Variants in PDE4D observed in about 807,000 individuals in gnomAD.
The protein encoded by PDE4D is phosphodiesterase 4D, also known as 3',5'-cyclic-AMP phosphodiesterase 4D.
In PDE4D, 24 loss-of-function variants were observed where a neutral mutation model predicts 87.4. The ratio of observed to expected loss-of-function variants is 0.27; its 90% CI spans 0.20 to 0.39. PDE4D has a LOEUF of 0.39. PDE4D is among the 10% of genes least tolerant of loss of function. The pLI, the probability that PDE4D is intolerant of heterozygous loss-of-function variation, is 1.00. For missense variants in PDE4D, 714 were observed against 1,041.0 expected, an observed-to-expected ratio of 0.69 and a Z score of 4.32; for synonymous variants, 384 against 383.2, an observed-to-expected ratio of 1.00 and a Z score of -0.02.
At chr5:60,319,254 C>T (rs1020475570) in intron 1 of PDE4D, among the ~76,000 whole-genome samples, 18 of 152,190 alleles carry the variant, frequency 1.2e-4, no homozygotes, top group African/African-American at 4.3e-4. Flanking sequence ...ATCACTGATA[C>T]CCTTTCTTCC....
intron 1 of PDE4D, among the ~76,000 whole-genome samples, chr5:59,311,914 G>A (rs907799802): frequency 1.3e-5 from 2 of 152,156 alleles, no homozygotes; most frequent in South Asian, 2.1e-4. Context: ...GCCCTGCATC[G>A]GCCCTGGAGA....
At chr5:59,953,093 C>T (rs1040403043) in intron 3 of PDE4D, among the ~76,000 whole-genome samples, 3 of 151,128 alleles carry the variant, frequency 2.0e-5, no homozygotes, top group Admixed American at 6.6e-5. Flanking sequence ...ATTAATGTTT[C>T]ATCATCTTTT....
chr5:59,344,574 T>A (rs1779325839), intron 1 of PDE4D, among the ~76,000 whole-genome samples: 1 of 152,032 alleles, frequency 6.6e-6, no homozygotes. Context: ...AATTTTTAAA[T>A]TTTTTGTAGA....
At chr5:60,296,492 A>G (rs1753402332) in intron 1 of PDE4D, among the ~76,000 whole-genome samples, 1 of 152,214 alleles carries the variant, frequency 6.6e-6, no homozygotes, top group African/African-American at 2.4e-5. Context: ...TTTTACACAC[A>G]TACGTATCCA....
Position 59,624,539 on chromosome 5 carries a change from C to T in PDE4D, c.455+268629G>A, listed in dbSNP as rs143606954. Among the ~76,000 whole-genome samples, 262 of 152,284 alleles carry T rather than the reference C, an allele frequency of 1.7e-3. 2 individuals are homozygous for T. The highest frequency in any genetic ancestry group is 5.9e-3 in the African/African-American group (247 of 41,568). On this transcript the variant is annotated intron_variant, in intron 1 of 14. Transcript: ENST00000340635. ...GGCCACAGAGACGCTGTGGCACAAA[C>T]GTGGTAGTACTCGGCTTTAATCTGC... is the stretch of plus-strand genomic sequence containing the variant.
At chr5:60,071,637 T>A (rs1438562850) in intron 2 of PDE4D, among the ~76,000 whole-genome samples, 1 of 152,098 alleles carries the variant, frequency 6.6e-6, no homozygotes, top group African/African-American at 2.4e-5. Flanking sequence ...GCAAGTTTGT[T>A]ATATAAGTAA....
intron 1 of PDE4D, among the ~76,000 whole-genome samples, chr5:59,518,771 T>C (rs1420389982): frequency 6.6e-6 from 1 of 152,190 alleles, no homozygotes; most frequent in East Asian, 1.9e-4. Context: ...CTATATACTA[T>C]TATTAATTTT....
At chr5:59,311,021 C>G (rs559024110) in intron 1 of PDE4D, among the ~76,000 whole-genome samples, 1 of 152,236 alleles carries the variant, frequency 6.6e-6, no homozygotes, top group South Asian at 2.1e-4. Flanking sequence ...AAACAAAGGT[C>G]ACTGTAAGAT....
At chr5:60,041,469 T>C (rs1192268775) in intron 2 of PDE4D, among the ~76,000 whole-genome samples, 3 of 152,174 alleles carry the variant, frequency 2.0e-5, no homozygotes, top group Non-Finnish European at 4.4e-5. Flanking sequence ...ACAGTTCTAA[T>C]GGTAACATTT....
At chr5:60,119,682 C>A (rs1476345323) in intron 2 of PDE4D, among the ~76,000 whole-genome samples, 1 of 152,156 alleles carries the variant, frequency 6.6e-6, no homozygotes, top group Admixed American at 6.5e-5. Flanking sequence ...AGATATGAAA[C>A]ATATAGGACA....
intron 2 of PDE4D, among the ~76,000 whole-genome samples, chr5:60,136,339 T>C (rs1016673062): frequency 1.3e-5 from 2 of 151,714 alleles, no homozygotes; most frequent in African/African-American, 2.4e-5. Flanking sequence ...ATTTTTGAGA[T>C]GAAGTCTTGC....
chr5:59,044,215 CTGT>C (rs1346098754), intron 5 of PDE4D, among the ~76,000 whole-genome samples: 11 of 152,172 alleles, frequency 7.2e-5, no homozygotes, highest in Non-Finnish European at 1.6e-4. Flanking sequence ...TCTCCAGCAC[CTGT>C]TGTTTCCTGA....
At chr5:60,386,977 A>G (rs960906042) in intron 1 of PDE4D, among the ~76,000 whole-genome samples, 1 of 152,134 alleles carries the variant, frequency 6.6e-6, no homozygotes, top group Non-Finnish European at 1.5e-5. Flanking sequence ...TGCTGCTTTT[A>G]CTCTCCTGCC....
At chr5:60,020,459 A>C (rs566099815) in intron 2 of PDE4D, among the ~76,000 whole-genome samples, 1 of 152,338 alleles carries the variant, frequency 6.6e-6, no homozygotes, top group African/African-American at 2.4e-5. Context: ...GCAAAACACA[A>C]TAAAATGAGG....
At chr5:59,361,576 G>A (rs1467256399) in intron 1 of PDE4D, among the ~76,000 whole-genome samples, 5 of 152,126 alleles carry the variant, frequency 3.3e-5, no homozygotes, top group African/African-American at 1.2e-4. Context: ...ACTTCCTCCG[G>A]AAGTCTTCCC....
intron 3 of PDE4D, among the ~76,000 whole-genome samples, chr5:59,904,306 C>T (rs1752593184): frequency 6.6e-6 from 1 of 152,086 alleles, no homozygotes; most frequent in Non-Finnish European, 1.5e-5. Context: ...TATGGAAACA[C>T]ATTGAAAGGA....
At position 60,060,756 on chromosome 5, in the gene PDE4D, T is replaced by C. The variant is rs1005876466; in HGVS notation, c.43-72039A>G. Among the ~76,000 whole-genome samples, 9 of 152,226 alleles carry C rather than the reference T, an allele frequency of 5.9e-5. No homozygotes were observed. In the South Asian group the frequency reaches 1.9e-3, roughly 32 times the overall value. ...TGGATATGTCAGCCTCTTCAGCCTCTCAGCTTCCTTGAACTTTGGGGGTAG... is the reference window on the plus strand; with the variant it reads ...TGGATATGTCAGCCTCTTCAGCCTCCCAGCTTCCTTGAACTTTGGGGGTAG... On this transcript the variant is annotated intron_variant, in intron 2 of 16. Coordinates refer to the PDE4D transcript ENST00000502484.
chr5:59,517,932 G>T (rs2153671645), intron 1 of PDE4D, among the ~76,000 whole-genome samples: 1 of 152,188 alleles, frequency 6.6e-6, no homozygotes, highest in Admixed American at 6.5e-5. Flanking sequence ...TAAAACAGAA[G>T]AACAAAGAAT....
intron 2 of PDE4D, among the ~76,000 whole-genome samples, chr5:59,995,321 C>CTTTT (rs70975357): frequency 2.1e-5 from 3 of 140,154 alleles, no homozygotes; most frequent in Admixed American, 7.2e-5. Context: ...TTCTTTCTTT[C>CTTTT]TTTTTTTTTT....
Sources: allele counts gnomAD v4.1 joint callset (sites outside exome capture counted in the v4.1 genomes callset), GRCh38; gene constraint gnomAD v4.1.1; transcripts MANE v1.5; gene names NCBI Gene and HGNC (gene_info 2026-07-23, HGNC 2026-07-21).